Variants in NUMA1 observed in about 807,000 individuals in gnomAD.
The protein encoded by NUMA1 is nuclear mitotic apparatus protein 1, also known as SP-H antigen.
A neutral mutation model predicts 237.1 loss-of-function variants in NUMA1; 62 were observed. The ratio of observed to expected loss-of-function variants is 0.26; its 90% CI spans 0.21 to 0.32. NUMA1 has a LOEUF of 0.32. Among genes scored for constraint, NUMA1 ranks in the 10% least tolerant of loss-of-function variants. The pLI, the probability that NUMA1 is intolerant of heterozygous loss-of-function variation, is 1.00. For missense variants in NUMA1, 2,533 were observed against 2,666.5 expected, an observed-to-expected ratio of 0.95 and a Z score of 1.10; for synonymous variants, 1,028 against 1,066.1, an observed-to-expected ratio of 0.96 and a Z score of 0.70.
At position 72,079,749 on chromosome 11, in the gene NUMA1, TAAA is replaced by T. The variant is rs72522058; in HGVS notation, c.-103+706_-103+708del. Among the ~76,000 whole-genome samples the T allele has an allele frequency of 6.7e-3, 966 of 144,506 alleles. 7 individuals carry two copies. The highest frequency in any genetic ancestry group is 6.3e-3 in the Non-Finnish European group (417 of 66,092). The allele number at this position is 144,506 out of a possible 152,430, so 94.8% of individuals were successfully genotyped here. A position where few individuals can be genotyped will look rare whatever the true frequency, so the allele number is the denominator to read the frequency against. Reference sequence around the variant, plus strand: ...ATGAAAAACAAAAACAAACAAAAATTAAAAAAAAAAAAAAAAAAGACTTAACCT... The same window carrying T: ...ATGAAAAACAAAAACAAACAAAAATTAAAAAAAAAAAAAAAGACTTAACCT... On this transcript the variant is annotated intron_variant, in intron 1 of 26. Transcript: ENST00000393695.
In NUMA1 at chr11:72,013,511, G is replaced by T. The variant is rs546357514; in HGVS notation, c.3992C>A (p.Ala1331Glu). 1 of 1,613,518 alleles carries T rather than the reference G, an allele frequency of 6.2e-7. No individual in the cohort carries two copies. The highest frequency in any genetic ancestry group is 1.1e-5 in the South Asian group (1 of 91,076). ...TTTCTGGAAGAACTTCTCCTGCCACGCCTTCAATTCTTGGCCCAGCTCCTC... is the reference window on the plus strand; with the variant it reads ...TTTCTGGAAGAACTTCTCCTGCCACTCCTTCAATTCTTGGCCCAGCTCCTC... Reference protein sequence around the residue: ...RAEELGQELKAWQEKFFQKEQ... With the variant: ...RAEELGQELKEWQEKFFQKEQ... The change falls in exon 15 of 27, where the codon GCG (alanine) becomes GAG (glutamate). Residue 1331 changes from alanine (A) to glutamate (E), a missense_variant. Physicochemically the swap from Ala to Glu is moderately radical, Grantham distance 107. This residue lies in a region of NUMA1 where 324 missense variants were observed against 407.6 expected (regional missense o/e 0.79). Coordinates refer to ENST00000393695, the MANE Select transcript of NUMA1 (RefSeq NM_006185.4). The surrounding 1 kb of genome is among the most constrained non-coding windows in gnomAD (Gnocchi z 6.8).
chr11:72,010,920 C>T lies in NUMA1; in HGVS notation c.4651-66G>A, dbSNP rs912400318. 4.3e-6 allele frequency: 6 copies of T among 1,405,020 alleles called. No individual in the cohort carries two copies. The Admixed American group carries it at 8.4e-5, about 20-fold the overall frequency. 87.0% of individuals were successfully genotyped at this position (1,405,020 alleles called of 1,614,324 possible). On this transcript the variant is annotated intron_variant, in intron 16 of 26. Transcript: ENST00000393695. ...CCCCTGGATGTTCATCCTGGATGTC[C>T]ACCCATCATGGGGTTTCCCAGACCA...
At chr11:72,041,755 G>C (rs1181490003) in intron 2 of NUMA1, 1 of 152,522 alleles carries the variant, frequency 6.6e-6, no homozygotes, top group South Asian at 2.1e-4. Context: ...CATGGGCACC[G>C]CCTGCCCTGC....
intron 2 of NUMA1, chr11:72,040,764 T>C (rs1000300466): frequency 5.9e-5 from 9 of 152,068 alleles, no homozygotes; most frequent in African/African-American, 2.2e-4. Context: ...AACTCCCGGA[T>C]GTTGGCAAGC....
At chr11:72,068,022 A>C (rs977222712) in intron 2 of NUMA1, 2 of 152,234 alleles carry the variant, frequency 1.3e-5, no homozygotes, top group Non-Finnish European at 1.5e-5. Context: ...ACAACAACAA[A>C]AAAATCAATG....
chr11:72,006,270 G>A lies in NUMA1; in HGVS notation c.5464-7C>T. On this transcript the variant is annotated splice_polypyrimidine_tract_variant and splice_region_variant and intron_variant, in intron 21 of 26. Coordinates refer to ENST00000393695, the MANE Select transcript of NUMA1 (RefSeq NM_006185.4). The stretch of plus-strand genomic sequence containing the variant: ...GCTCTTCCACATCTAGCTTCTGGAA[G>A]ACAGAGTGAATCTGTTGCAGTGTAC... 1 of 1,613,116 alleles carries A rather than the reference G, an allele frequency of 6.2e-7. No individual in the cohort carries two copies. Among genetic ancestry groups the A allele is most frequent in the Non-Finnish European group, 8.5e-7 (1 of 1,179,184 alleles).
chr11:72,049,583 A>ATATATATATATATATATT, intron 2 of NUMA1: 1 of 22,556 alleles, frequency 4.4e-5, no homozygotes, highest in Non-Finnish European at 1.7e-4. Flanking sequence ...ATATATATAT[A>ATATATATATATATATATT]GTGTGTGTGT....
chr11:72,049,316 C>T (rs1942175977), intron 2 of NUMA1: 1 of 151,688 alleles, frequency 6.6e-6, no homozygotes, highest in Admixed American at 6.6e-5. Context: ...GTGTTGAAAG[C>T]CCCTGGAGGG....
At chr11:72,026,504 G>A (rs563170582) in intron 4 of NUMA1, among the ~76,000 whole-genome samples, 4 of 152,314 alleles carry the variant, frequency 2.6e-5, no homozygotes, top group South Asian at 2.1e-4. Flanking sequence ...TCAAACAGAC[G>A]GGACAGCCTT....
At position 72,007,141 on chromosome 11, in the gene NUMA1, G is replaced by A. The variant is rs1227254597; in HGVS notation, c.5463+48C>T. ...GTGCCCAGTGCAAAGATGCCCTTGA[G>A]AGGAAGTGGGAATTGCTGCCCTGCA... is the stretch of plus-strand genomic sequence containing the variant. On this transcript the variant is annotated intron_variant, in intron 21 of 26. Coordinates refer to ENST00000393695, the MANE Select transcript of NUMA1 (RefSeq NM_006185.4). 4 of 1,594,822 alleles carry A rather than the reference G, an allele frequency of 2.5e-6. No homozygotes were observed. The African/African-American group carries it at 4.0e-5, about 16-fold the overall frequency.
chr11:72,016,000 G>A lies in NUMA1; in HGVS notation c.1503C>T (p.Ala501=), dbSNP rs777949805. 5.6e-6 allele frequency: 9 copies of A among 1,613,926 alleles called. No individual in the cohort carries two copies. In the East Asian group the frequency reaches 1.3e-4, roughly 24 times the overall value. The change falls in exon 15 of 27, where the codon GCC becomes GCT. Residue 501 remains alanine (A), a synonymous_variant. Transcript: ENST00000393695. The surrounding 1 kb of genome is among the most constrained non-coding windows in gnomAD (Gnocchi z 4.0). ...GTGTGGTGAGCTCAGAGGTCAGAGAGGCCACCTGGGCAGTCAACCGGGCCC... is the reference window on the plus strand; with the variant it reads ...GTGTGGTGAGCTCAGAGGTCAGAGAAGCCACCTGGGCAGTCAACCGGGCCC... ...AHGARLTAQV[A]SLTSELTTLN...
intron 3 of NUMA1, among the ~76,000 whole-genome samples, chr11:72,031,307 GA>G (rs1362032645): frequency 5.3e-5 from 8 of 150,150 alleles, no homozygotes; most frequent in African/African-American, 1.7e-4. Context: ...AAAAAAAAAA[GA>G]AAAAAGAAAA....
At position 72,006,199 on chromosome 11, in the gene NUMA1, G is replaced by C. The variant is rs780010835; in HGVS notation, c.5528C>G (p.Ala1843Gly). The stretch of plus-strand genomic sequence containing the variant: ...GGTGGCTCGCAGGCTAGCCTGGGAA[G>C]CAGGAGCAGACCGCGTGCTGTAGAA... ...SSFYSTRSAP[A>G]SQASLRATSS... is the part of the protein sequence containing the mutation. The change falls in exon 22 of 27, where the codon GCT (alanine) becomes GGT (glycine). Residue 1843 changes from alanine to glycine, a missense_variant. By Grantham distance (60) the Ala-to-Gly change is moderately conservative. Coordinates refer to ENST00000393695, the MANE Select transcript of NUMA1 (RefSeq NM_006185.4). 2 of 1,614,048 alleles carry C rather than the reference G, an allele frequency of 1.2e-6. No homozygotes were observed. Among genetic ancestry groups the C allele is most frequent in the South Asian group, 2.2e-5 (2 of 91,088 alleles).
At chr11:72,050,614 T>A (rs920490459) in intron 2 of NUMA1, 3 of 152,246 alleles carry the variant, frequency 2.0e-5, no homozygotes, top group African/African-American at 7.2e-5. Context: ...GCAAGGTTTA[T>A]TCCAATTTTA....
intron 4 of NUMA1, 66 bp downstream of exon 4, chr11:72,029,139 G>A: frequency 1.3e-5 from 15 of 1,185,686 alleles, no homozygotes; most frequent in South Asian, 3.8e-5. Flanking sequence ...AAGAGAACAA[G>A]TACAGCCCCC....
At chr11:72,031,199 G>A (rs1458791742) in intron 3 of NUMA1, among the ~76,000 whole-genome samples, 1 of 151,996 alleles carries the variant, frequency 6.6e-6, no homozygotes, top group African/African-American at 2.4e-5. Context: ...TACATAAGAG[G>A]CTGAGGTAGG....
rs1438645979 is a variant in NUMA1, at chr11:72,005,284, G to A, written c.5778C>T (p.Arg1926=). Residue 1926 remains arginine, a synonymous_variant, in exon 23 of 27, where the codon CGC becomes CGT. Transcript: ENST00000393695. ...TCAGATGTGGGGGGCACACTCGATT[G>A]CGCTGCTGCAGCTCTGCAATGCGGT... The part of the protein sequence containing the change: ...DWNRIAELQQ[R]NRVCPPHLKT... 1 of 1,610,120 alleles carries A rather than the reference G, an allele frequency of 6.2e-7. No homozygotes were observed. Among genetic ancestry groups the A allele is most frequent in the South Asian group, 1.1e-5 (1 of 90,612 alleles).
intron 3 of NUMA1, among the ~76,000 whole-genome samples, chr11:72,034,362 AAGAGAAATTAGAACTTTATG>A (rs1940736260): frequency 6.6e-6 from 1 of 152,004 alleles, no homozygotes; most frequent in Admixed American, 6.6e-5. Flanking sequence ...TCATGGTGCC[AAGAGAAATTAGAACTTTATG>A]AGGTATTTTA....
rs923816327 is a variant in NUMA1, at chr11:72,016,491, G to A, written c.1159C>T (p.Leu387Phe). The A allele has an allele frequency of 4.3e-6, 7 of 1,614,070 alleles. No homozygotes were observed. The highest frequency in any genetic ancestry group is 5.9e-6 in the Non-Finnish European group (7 of 1,180,024). The change falls in exon 14 of 27, where the codon CTT (leucine) becomes TTT (phenylalanine). Residue 387 changes from leucine to phenylalanine, a missense_variant. By Grantham distance (22) the Leu-to-Phe change is conservative. Transcript: ENST00000393695. ...EEKNEILQGK[L>F]SQLEEHLSQL... is the part of the protein sequence containing the mutation. ...GACAAGTGTTCTTCCAGCTGTGAAAGTTTTCCCTGAAGGATTTCGTTCTTC... is the reference window on the plus strand; with the variant it reads ...GACAAGTGTTCTTCCAGCTGTGAAAATTTTCCCTGAAGGATTTCGTTCTTC...
Sources: gnomAD v4.1 joint callset for allele counts (sites outside exome capture counted in the v4.1 genomes callset) on GRCh38, gnomAD v4.1.1 for gene constraint, gnomAD v4.1.1 regional missense constraint, Gnocchi (gnomAD v3.1) non-coding constraint, MANE v1.5 for transcripts, NCBI Gene and HGNC (gene_info 2026-07-23, HGNC 2026-07-21) for gene names.